DYRK1A: variants seen among roughly 807,000 people sequenced by gnomAD.
DYRK1A encodes dual specificity tyrosine-phosphorylation-regulated kinase 1A.
A neutral mutation model predicts 79.7 loss-of-function variants in DYRK1A; 9 were observed. That is an observed-to-expected ratio of 0.11 (90% CI 0.07 to 0.20). DYRK1A has a LOEUF of 0.20. Among genes scored for constraint, DYRK1A ranks in the 10% least tolerant of loss-of-function variants. The probability of loss-of-function intolerance (pLI) is 1.00; values close to 1 mark genes in which losing one functional copy is unlikely to be tolerated. For missense variants in DYRK1A, 622 were observed against 956.0 expected, an observed-to-expected ratio of 0.65 and a Z score of 4.61; for synonymous variants, 349 against 329.7, an observed-to-expected ratio of 1.06 and a Z score of -0.63.
At chr21:37,378,741 C>T (rs1326241304) in intron 1 of DYRK1A, among the ~76,000 whole-genome samples, 1 of 152,130 alleles carries the variant, frequency 6.6e-6, no homozygotes, top group African/African-American at 2.4e-5. Flanking sequence ...TTGGTTACAT[C>T]TGCTTTTAAT....
At chr21:37,395,412 C>T (rs1281235575) in intron 1 of DYRK1A, among the ~76,000 whole-genome samples, 1 of 152,066 alleles carries the variant, frequency 6.6e-6, no homozygotes, top group African/African-American at 2.4e-5. Flanking sequence ...AATCTGTGCT[C>T]CCGCTCCTCA....
At chr21:37,504,373 T>G (rs552752870) in intron 9 of DYRK1A, 1 of 152,424 alleles carries the variant, frequency 6.6e-6, no homozygotes, top group African/African-American at 2.4e-5. Flanking sequence ...CTCGCTCATC[T>G]GTGGCTTACT....
chr21:37,438,427 T>TG (rs1555966338), intron 2 of DYRK1A, among the ~76,000 whole-genome samples: 2 of 152,146 alleles, frequency 1.3e-5, no homozygotes, highest in African/African-American at 2.4e-5. Context: ...GTTGTTTTTT[T>TG]CCCCACTAGA....
intron 1 of DYRK1A, chr21:37,419,949 T>G (rs190312268): frequency 6.5e-6 from 1 of 154,160 alleles, no homozygotes; most frequent in East Asian, 1.9e-4. Context: ...CCTCTTGATT[T>G]GTGAACTGAT....
At chr21:37,418,398 G>T (rs765058371) in intron 1 of DYRK1A, among the ~76,000 whole-genome samples, 8 of 152,100 alleles carry the variant, frequency 5.3e-5, no homozygotes, top group Non-Finnish European at 1.0e-4. Flanking sequence ...AAATAGTAAT[G>T]AAATCTAATT....
chr21:37,438,940 T>G (rs2051007109), intron 2 of DYRK1A, among the ~76,000 whole-genome samples: 1 of 152,208 alleles, frequency 6.6e-6, no homozygotes, highest in Non-Finnish European at 1.5e-5. Context: ...TATTGATTTT[T>G]GGACCCGTGC....
At chr21:37,501,951 T>C (rs75137954) in intron 9 of DYRK1A, 1 of 152,228 alleles carries the variant, frequency 6.6e-6, no homozygotes, top group Non-Finnish European at 1.5e-5. Flanking sequence ...TTACGACTTA[T>C]TGATAAATTG....
chr21:37,511,823 C>A, intron 11 of DYRK1A, 88 bp from the exon 12 acceptor site: 1 of 1,423,352 alleles, frequency 7.0e-7, no homozygotes, highest in Non-Finnish European at 9.6e-7. Flanking sequence ...TAATATGATG[C>A]TAGTTTGTTA....
intron 2 of DYRK1A, among the ~76,000 whole-genome samples, chr21:37,440,718 C>A (rs1211955301): frequency 6.6e-6 from 1 of 152,084 alleles, no homozygotes; most frequent in Non-Finnish European, 1.5e-5. Flanking sequence ...GTTTTACTTA[C>A]ATGGTTCTGT....
intron 9 of DYRK1A, chr21:37,501,435 TGGGG>T (rs1279441176): frequency 6.6e-6 from 1 of 152,228 alleles, no homozygotes; most frequent in Admixed American, 6.5e-5. Context: ...CCCAAAGTGC[TGGGG>T]TTACAGGCAT....
At chr21:37,470,868 G>A (rs1483275708) in intron 2 of DYRK1A, among the ~76,000 whole-genome samples, 1 of 152,204 alleles carries the variant, frequency 6.6e-6, no homozygotes, top group Non-Finnish European at 1.5e-5. Flanking sequence ...TGAATTGAAT[G>A]AAAGTATTTT....
intron 2 of DYRK1A, among the ~76,000 whole-genome samples, chr21:37,443,018 A>G (rs1012343854): frequency 2.6e-5 from 4 of 152,004 alleles, no homozygotes; most frequent in Admixed American, 6.6e-5. Context: ...TTAAATTTGT[A>G]GTAGAAACGA....
intron 1 of DYRK1A, chr21:37,367,994 C>T (rs190672431): frequency 1.1e-3 from 172 of 158,392 alleles, no homozygotes; most frequent in Middle Eastern, 4.5e-3. Context: ...CCAGCTCCTC[C>T]CTCGTCCCTC....
chr21:37,420,435 A>C (rs1483126784), intron 2 of DYRK1A, 51 bp downstream of exon 2: 2 of 1,592,992 alleles, frequency 1.3e-6, no homozygotes, highest in Admixed American at 1.7e-5. Flanking sequence ...GAATGTGGGA[A>C]TCGATGGTCT....
At chr21:37,496,601 A>T (rs1027639127) in intron 9 of DYRK1A, among the ~76,000 whole-genome samples, 3 of 152,216 alleles carry the variant, frequency 2.0e-5, no homozygotes, top group African/African-American at 7.2e-5. Context: ...ATGAGGTCAC[A>T]GTTAATACTG....
intron 10 of DYRK1A, 124 bp downstream of exon 10, chr21:37,505,713 T>G (rs2053576043): frequency 3.7e-6 from 4 of 1,084,986 alleles, no homozygotes; most frequent in Non-Finnish European, 5.1e-6. Flanking sequence ...TACTTAAATC[T>G]GTTCTTTGTA....
intron 1 of DYRK1A, among the ~76,000 whole-genome samples, chr21:37,407,237 A>C (rs2050165245): frequency 6.6e-6 from 1 of 152,186 alleles, no homozygotes; most frequent in African/African-American, 2.4e-5. Context: ...ACATTCATTT[A>C]TGTTTTATAT....
intron 2 of DYRK1A, among the ~76,000 whole-genome samples, chr21:37,422,394 A>G (rs2050500178): frequency 6.6e-6 from 1 of 152,214 alleles, no homozygotes; most frequent in South Asian, 2.1e-4. Context: ...TAGAATTTCA[A>G]CACATTAAAA....
chr21:37,511,067 G>A (rs1331277772), intron 11 of DYRK1A, among the ~76,000 whole-genome samples: 1 of 152,186 alleles, frequency 6.6e-6, no homozygotes, highest in African/African-American at 2.4e-5. Context: ...GAAGGGAGCA[G>A]CGTGTTACTA....
Sources: allele counts gnomAD v4.1 joint callset (sites outside exome capture counted in the v4.1 genomes callset), GRCh38; gene constraint gnomAD v4.1.1; transcripts MANE v1.5; gene names NCBI Gene and HGNC (gene_info 2026-07-23, HGNC 2026-07-21).